Variants in TBC1D19 observed in about 807,000 individuals in gnomAD.
TBC1D19 encodes the protein TBC1 domain family member 19.
A neutral mutation model predicts 89.0 loss-of-function variants in TBC1D19; 60 were observed. That is an observed-to-expected ratio of 0.67 (90% CI 0.55 to 0.84). The LOEUF is 0.84. Among genes scored for constraint, TBC1D19 ranks in the 40% least tolerant of loss-of-function variants. TBC1D19 has a pLI of 0.00. For synonymous variants in TBC1D19, 189 were observed against 199.7 expected, an observed-to-expected ratio of 0.95 and a Z score of 0.45; for missense variants, 500 against 610.8, an observed-to-expected ratio of 0.82 and a Z score of 1.91.
At chr4:26,746,429 TAGTC>T (rs1232298940) in intron 18 of TBC1D19, among the ~76,000 whole-genome samples, 1 of 151,350 alleles carries the variant, frequency 6.6e-6, no homozygotes, top group Non-Finnish European at 1.5e-5. Context: ...TACTGATCTA[TAGTC>T]AAATTCTCTG....
At chr4:26,616,364 G>A (rs1232366141) in intron 3 of TBC1D19, among the ~76,000 whole-genome samples, 1 of 152,124 alleles carries the variant, frequency 6.6e-6, no homozygotes, top group African/African-American at 2.4e-5. Flanking sequence ...ATTGAGTTAA[G>A]CCTTAGAGAG....
At chr4:26,707,289 G>A (rs1429809143) in intron 13 of TBC1D19, among the ~76,000 whole-genome samples, 1 of 151,932 alleles carries the variant, frequency 6.6e-6, no homozygotes, top group Non-Finnish European at 1.5e-5. Context: ...AATATATAAT[G>A]TCTTTCTGTC....
At chr4:26,584,323 A>C in intron 1 of TBC1D19, 31 bp downstream of exon 1, 1 of 1,582,930 alleles carries the variant, frequency 6.3e-7, no homozygotes, top group Non-Finnish European at 8.6e-7. Context: ...AGGGATGCAG[A>C]CGGGCGGGGC....
chr4:26,692,920 G>A (rs761533237), intron 13 of TBC1D19, among the ~76,000 whole-genome samples: 1 of 152,138 alleles, frequency 6.6e-6, no homozygotes, highest in Non-Finnish European at 1.5e-5. Flanking sequence ...CTGTGATATC[G>A]AGAAAGACAG....
chr4:26,804,723 T>C, the TBC1D19 span, among the ~76,000 whole-genome samples: 1 of 152,176 alleles, frequency 6.6e-6, no homozygotes, highest in Non-Finnish European at 1.5e-5. Context: ...AGAGCTGCTC[T>C]GTTCGCAGGT....
At chr4:26,708,742 A>C (rs1032854132) in intron 13 of TBC1D19, among the ~76,000 whole-genome samples, 1 of 151,922 alleles carries the variant, frequency 6.6e-6, no homozygotes, top group African/African-American at 2.4e-5. Flanking sequence ...TACCTGCTCA[A>C]ATCTGCCTTT....
chr4:26,632,938 C>T (rs1428745862), intron 4 of TBC1D19, among the ~76,000 whole-genome samples: 1 of 152,132 alleles, frequency 6.6e-6, no homozygotes, highest in African/African-American at 2.4e-5. Flanking sequence ...TTTTAATTAA[C>T]TTCCTCTGGT....
At chr4:26,688,889 A>G (rs1023131859) in intron 13 of TBC1D19, among the ~76,000 whole-genome samples, 6 of 152,104 alleles carry the variant, frequency 3.9e-5, no homozygotes, top group African/African-American at 9.6e-5. Flanking sequence ...AAAATCATTT[A>G]TCATAAATAG....
the TBC1D19 span, among the ~76,000 whole-genome samples, chr4:26,786,356 C>A: frequency 6.6e-6 from 1 of 152,118 alleles, no homozygotes; most frequent in Non-Finnish European, 1.5e-5. Flanking sequence ...TAGTACCAGC[C>A]GGGCACGGTG....
the TBC1D19 span, among the ~76,000 whole-genome samples, chr4:26,843,997 G>C: frequency 6.6e-6 from 1 of 152,186 alleles, no homozygotes; most frequent in Non-Finnish European, 1.5e-5. Context: ...CCGGCCCCAC[G>C]ATCCAAACAC....
At chr4:26,585,354 T>G (rs1010103128) in intron 1 of TBC1D19, among the ~76,000 whole-genome samples, 1 of 152,198 alleles carries the variant, frequency 6.6e-6, no homozygotes, top group Middle Eastern at 3.2e-3. Context: ...ACTTCTCTAG[T>G]AGAAGTGTAA....
Position 26,584,132 on chromosome 4 carries a change from G to A in TBC1D19, c.-62G>A. 6 of 1,536,014 alleles carry A rather than the reference G, an allele frequency of 3.9e-6. No homozygotes were observed. The highest frequency in any genetic ancestry group is 1.9e-5 in the Admixed American group (1 of 52,300). ...TGTCACTGGCCCTGAGTGGGACCCGGTAGCCCGTTCGCTCCGCGCCGGCGG... is the reference window on the plus strand; with the variant it reads ...TGTCACTGGCCCTGAGTGGGACCCGATAGCCCGTTCGCTCCGCGCCGGCGG... On this transcript the variant is annotated 5_prime_UTR_variant, in exon 1 of 21. Coordinates refer to ENST00000264866, the MANE Select transcript of TBC1D19 (RefSeq NM_018317.4).
At chr4:26,595,266 A>AT (rs920054320) in intron 1 of TBC1D19, among the ~76,000 whole-genome samples, 1 of 152,046 alleles carries the variant, frequency 6.6e-6, no homozygotes, top group Admixed American at 6.6e-5. Context: ...TCTTTTGCCC[A>AT]TTTTTTAATT....
At chr4:26,769,309 A>C in the TBC1D19 span, among the ~76,000 whole-genome samples, 2 of 152,096 alleles carry the variant, frequency 1.3e-5, no homozygotes, top group African/African-American at 4.8e-5. Context: ...TCCTTCAAGC[A>C]GAAGAAAAAT....
chr4:26,848,212 T>C, the TBC1D19 span, among the ~76,000 whole-genome samples: 2 of 152,190 alleles, frequency 1.3e-5, no homozygotes, highest in African/African-American at 4.8e-5. Flanking sequence ...CTGAATAGAA[T>C]GAAACGGTGA....
the TBC1D19 span, among the ~76,000 whole-genome samples, chr4:26,821,749 G>A: frequency 1.3e-5 from 2 of 152,180 alleles, no homozygotes; most frequent in African/African-American, 2.4e-5. Flanking sequence ...GGGGCTCACC[G>A]TGGTCATGCT....
In TBC1D19 at chr4:26,584,311, G is replaced by A; in HGVS notation, c.99+19G>A. 6.3e-7 allele frequency: 1 copy of A among 1,598,342 alleles called. No individual in the cohort carries two copies. The highest frequency in any genetic ancestry group is 8.5e-7 in the Non-Finnish European group (1 of 1,172,710). ...GGCCTGGGTAAGTGAGGCCGAGTGGGAAGGGATGCAGACGGGCGGGGCCGC... is the reference window on the plus strand; with the variant it reads ...GGCCTGGGTAAGTGAGGCCGAGTGGAAAGGGATGCAGACGGGCGGGGCCGC... On this transcript the variant is annotated intron_variant, in intron 1 of 20. Transcript: ENST00000264866.
intron 4 of TBC1D19, among the ~76,000 whole-genome samples, chr4:26,636,423 C>A (rs1743127741): frequency 7.1e-6 from 1 of 139,978 alleles, no homozygotes; most frequent in South Asian, 2.2e-4. Flanking sequence ...AATAGTGAGA[C>A]AAATCTAGAT....
intron 11 of TBC1D19, among the ~76,000 whole-genome samples, chr4:26,676,123 A>G (rs1413681654): frequency 1.3e-5 from 2 of 152,196 alleles, no homozygotes; most frequent in South Asian, 2.1e-4. Flanking sequence ...CAAGACTAAT[A>G]TTAACATTTA....
Sources: allele counts gnomAD v4.1 joint callset (sites outside exome capture counted in the v4.1 genomes callset), GRCh38; gene constraint gnomAD v4.1.1; transcripts MANE v1.5; gene names NCBI Gene and HGNC (gene_info 2026-07-23, HGNC 2026-07-21).